The following MALRD1 variants were observed in gnomAD, a reference collection of about 807,000 sequenced individuals.
MALRD1 encodes the protein MAM and LDL receptor class A domain containing 1, also known as MAM and LDL-receptor class A domain-containing protein 1.
Under a neutral mutation model 242.1 loss-of-function variants are expected in MALRD1, and 247 were observed. The ratio of observed to expected loss-of-function variants is 1.02; its 90% CI spans 0.92 to 1.13. MALRD1 has a LOEUF of 1.13. Among genes scored for constraint, MALRD1 ranks in the 50% most tolerant of loss-of-function variants. The pLI is 0.00. For missense variants in MALRD1, 2,989 were observed against 2,533.1 expected (o/e 1.18, Z -3.86); for synonymous variants, 995 against 866.6 (o/e 1.15, Z -2.60).
chr10:19,453,794 T>C (rs942042646), intron 29 of MALRD1, among the ~76,000 whole-genome samples: 3 of 151,790 alleles, frequency 2.0e-5, no homozygotes, highest in Non-Finnish European at 4.4e-5. Flanking sequence ...GAGAATTGCC[T>C]GAACCAGGGA....
intron 32 of MALRD1, among the ~76,000 whole-genome samples, chr10:19,536,214 A>C (rs1041141340): frequency 6.6e-6 from 1 of 152,096 alleles, no homozygotes; most frequent in African/African-American, 2.4e-5. Flanking sequence ...AGAGAAGACA[A>C]GCCTTCCTCC....
chr10:19,273,488 A>C (rs1192112390), intron 19 of MALRD1, among the ~76,000 whole-genome samples: 1 of 152,232 alleles, frequency 6.6e-6, no homozygotes, highest in Admixed American at 6.5e-5. Flanking sequence ...AGCAACCAGG[A>C]TGTCCTTCAG....
At chr10:19,686,690 C>T (rs1842598143) in intron 36 of MALRD1, among the ~76,000 whole-genome samples, 1 of 152,070 alleles carries the variant, frequency 6.6e-6, no homozygotes, top group Non-Finnish European at 1.5e-5. Flanking sequence ...CCTTCTCCTG[C>T]CCTGTTAATA....
At chr10:19,236,487 G>T (rs957424221) in intron 18 of MALRD1, among the ~76,000 whole-genome samples, 21 of 152,100 alleles carry the variant, frequency 1.4e-4, no homozygotes, top group African/African-American at 4.6e-4. Flanking sequence ...GGCCTATTAG[G>T]TTCCAATACA....
At chr10:19,230,380 C>A (rs1364748393) in intron 18 of MALRD1, among the ~76,000 whole-genome samples, 1 of 149,594 alleles carries the variant, frequency 6.7e-6, no homozygotes, top group Non-Finnish European at 1.5e-5. Context: ...GTACTGGCAC[C>A]TGCTTCCAGG....
intron 18 of MALRD1, among the ~76,000 whole-genome samples, chr10:19,235,501 G>C (rs1049949677): frequency 4.0e-5 from 6 of 148,590 alleles, no homozygotes; most frequent in African/African-American, 1.5e-4. Flanking sequence ...GTTCCCTGTA[G>C]ATTCTGGATA....
At chr10:19,149,224 T>C (rs528543705) in intron 11 of MALRD1, among the ~76,000 whole-genome samples, 12 of 152,210 alleles carry the variant, frequency 7.9e-5, no homozygotes, top group Admixed American at 5.9e-4. Context: ...CAAGCAATTC[T>C]CCTGCCTTTT....
intron 14 of MALRD1, among the ~76,000 whole-genome samples, chr10:19,184,581 G>C (rs7087003): frequency 0.29 from 44,510 of 151,980 alleles, 6,922 homozygotes; most frequent in Admixed American, 0.37. Context: ...CAGGGTCTTG[G>C]TCTGTTGCCC....
chr10:19,072,386 T>C (rs1835179995), intron 2 of MALRD1, among the ~76,000 whole-genome samples: 2 of 152,224 alleles, frequency 1.3e-5, no homozygotes, highest in Admixed American at 6.5e-5. Context: ...CTTTTATTTA[T>C]GAACATGGAA....
chr10:19,702,640 C>T (rs554209243), intron 38 of MALRD1, among the ~76,000 whole-genome samples: 78 of 152,214 alleles, frequency 5.1e-4, no homozygotes, highest in African/African-American at 1.8e-3. Flanking sequence ...TTGATTACAT[C>T]CACATAATGA....
At chr10:19,449,639 G>A (rs1835209044) in intron 28 of MALRD1, among the ~76,000 whole-genome samples, 1 of 151,932 alleles carries the variant, frequency 6.6e-6, no homozygotes. Context: ...TGCAATTTGG[G>A]GCATATATAC....
At chr10:19,468,756 A>G (rs927762454) in intron 29 of MALRD1, among the ~76,000 whole-genome samples, 1 of 152,068 alleles carries the variant, frequency 6.6e-6, no homozygotes, top group Non-Finnish European at 1.5e-5. Flanking sequence ...TAGTCTTTAC[A>G]AGATCCCAGA....
At chr10:19,209,813 T>A in intron 18 of MALRD1, 133 bp downstream of exon 18, 1 of 885,038 alleles carries the variant, frequency 1.1e-6, no homozygotes, top group Admixed American at 3.2e-5. Flanking sequence ...ATTTATCATT[T>A]ATTTGAGGGT....
rs1836936527 is a variant in MALRD1 at position 19,209,350 on chromosome 10, C to G, written c.2661C>G (p.Ser887Arg). 1 of 1,550,692 alleles carries G rather than the reference C, an allele frequency of 6.4e-7. No homozygotes were observed. Among genetic ancestry groups the G allele is most frequent in the East Asian group, 2.4e-5 (1 of 40,904 alleles). Residue 887 changes from serine to arginine, a missense_variant, in exon 18 of 40, where the codon AGC (serine) becomes AGG (arginine). Transcript: ENST00000454679. ...AAGATGACTTTGATTGGACCAGGAG[C>G]CAGGGTCCAACTCCAACACTTAACA... The part of the protein sequence containing the change: ...DAKDDFDWTR[S>R]QGPTPTLNTG...
At chr10:19,473,770 T>C (rs1836607147) in intron 29 of MALRD1, among the ~76,000 whole-genome samples, 1 of 152,162 alleles carries the variant, frequency 6.6e-6, no homozygotes, top group Admixed American at 6.5e-5. Context: ...TTGTGAAAAA[T>C]GCTGCTATGA....
chr10:19,563,166 G>A (rs148295293), intron 32 of MALRD1, among the ~76,000 whole-genome samples: 4 of 152,220 alleles, frequency 2.6e-5, no homozygotes, highest in Non-Finnish European at 5.9e-5. Context: ...GCTATAGAGG[G>A]CAGTTATTTG....
intron 18 of MALRD1, among the ~76,000 whole-genome samples, chr10:19,236,781 G>A (rs1306320203): frequency 6.6e-6 from 1 of 151,950 alleles, no homozygotes; most frequent in African/African-American, 2.4e-5. Context: ...TCATCTAAAA[G>A]CAGAGTTCAC....
intron 36 of MALRD1, among the ~76,000 whole-genome samples, chr10:19,681,367 T>C (rs1303465831): frequency 6.6e-6 from 1 of 152,150 alleles, no homozygotes; most frequent in Non-Finnish European, 1.5e-5. Flanking sequence ...TTTATTCTTT[T>C]TTCTCTCATC....
intron 36 of MALRD1, among the ~76,000 whole-genome samples, chr10:19,674,128 G>A (rs946800696): frequency 2.6e-5 from 4 of 152,040 alleles, no homozygotes; most frequent in African/African-American, 9.7e-5. Flanking sequence ...TCTAAGATTT[G>A]GATAGAGTAT....
Sources: allele counts gnomAD v4.1 joint callset (sites outside exome capture counted in the v4.1 genomes callset), GRCh38; gene constraint gnomAD v4.1.1; transcripts MANE v1.5; gene names NCBI Gene and HGNC (gene_info 2026-07-23, HGNC 2026-07-21).